The following ZZEF1 variants were observed in gnomAD, a reference collection of about 807,000 sequenced individuals.
ZZEF1 encodes the protein zinc finger ZZ-type and EF-hand domain-containing protein 1.
Under a neutral mutation model 342.8 loss-of-function variants are expected in ZZEF1, and 157 were observed. The ratio of observed to expected loss-of-function variants is 0.46; its 90% CI spans 0.40 to 0.52. The LOEUF (loss-of-function observed/expected upper bound fraction) is 0.52, where lower values mean the gene tolerates loss of function less well. Among genes scored for constraint, ZZEF1 ranks in the 20% least tolerant of loss-of-function variants. The pLI, the probability that ZZEF1 is intolerant of heterozygous loss-of-function variation, is 0.00. For missense variants in ZZEF1, 3,480 were observed against 3,725.6 expected (o/e 0.93, Z 1.72); for synonymous variants, 1,505 against 1,429.1 (o/e 1.05, Z -1.20).
chr17:4,075,335 A>G lies in ZZEF1; in HGVS notation c.3329T>C (p.Val1110Ala). The change falls in exon 22 of 55, where the codon GTA (valine) becomes GCA (alanine). Residue 1110 changes from valine (V) to alanine (A), a missense_variant. Physicochemically the swap from Val to Ala is moderately conservative, Grantham distance 64. Transcript: ENST00000381638. ...AHNYENNCHE[V>A]SVFVSPGATY... ...TGCCCCTGGGCTAACAAAGACGGAT[A>G]CCTCATGGCAATTATTTTCATAGTT... 1 of 1,614,176 alleles carries G rather than the reference A, an allele frequency of 6.2e-7. No individual in the cohort carries two copies. The highest frequency in any genetic ancestry group is 1.1e-5 in the South Asian group (1 of 91,084).
Position 4,136,805 on chromosome 17 carries a change from G to C in ZZEF1, c.354+5737C>G, listed in dbSNP as rs78125763. Among the ~76,000 whole-genome samples, 1,319 of 152,244 alleles carry C rather than the reference G, an allele frequency of 8.7e-3. 8 individuals are homozygous for C. The highest frequency in any genetic ancestry group is 0.012 in the Non-Finnish European group (834 of 68,012). Reference sequence around the variant, plus strand: ...AAACGTGCCATGCCCTCTCACTCCAGTATATCTGCATATGCTGTGCCTTTC... The same window carrying C: ...AAACGTGCCATGCCCTCTCACTCCACTATATCTGCATATGCTGTGCCTTTC... On this transcript the variant is annotated intron_variant, in intron 1 of 54. Transcript: ENST00000381638.
At chr17:4,123,268 CATATATATATATATATATATAT>C (rs60101709) in intron 2 of ZZEF1, among the ~76,000 whole-genome samples, 3,812 of 85,364 alleles carry the variant, frequency 0.045, 262 homozygotes, top group African/African-American at 0.16. Context: ...TTATCATAAC[CATATATATATATATATATATAT>C]ATATATATAT....
intron 24 of ZZEF1, 124 bp from the exon 25 acceptor site, chr17:4,072,880 C>T (rs1313503867): frequency 8.2e-6 from 8 of 976,518 alleles, no homozygotes; most frequent in Non-Finnish European, 1.2e-5. Context: ...AAAGTTTACC[C>T]ACATACCAGA....
intron 19 of ZZEF1, 138 bp downstream of exon 19, chr17:4,077,745 G>T (rs1264338712): frequency 2.2e-6 from 2 of 930,032 alleles, no homozygotes; most frequent in African/African-American, 1.7e-5. Context: ...ATTTTAATTA[G>T]ACCAAACCAG....
Position 4,016,669 on chromosome 17 carries a change from T to A in ZZEF1, c.8002-203A>T, listed in dbSNP as rs2056110224. Reference sequence around the variant, plus strand: ...CTTGGTGTCAATCAGGACACTGCAGTCCTTTCAGAATGATGCTACTTAGAG... The same window carrying A: ...CTTGGTGTCAATCAGGACACTGCAGACCTTTCAGAATGATGCTACTTAGAG... On this transcript the variant is annotated intron_variant, in intron 48 of 54. Coordinates refer to ENST00000381638, the MANE Select transcript of ZZEF1 (RefSeq NM_015113.4). The surrounding 1 kb of genome is among the most constrained non-coding windows in gnomAD (Gnocchi z 4.4). 1 of 558,160 alleles carries A rather than the reference T, an allele frequency of 1.8e-6. No homozygotes were observed. Among genetic ancestry groups the A allele is most frequent in the Non-Finnish European group, 3.1e-6 (1 of 318,820 alleles). The allele number at this position is 558,160 out of a possible 1,614,324, so 34.6% of individuals were successfully genotyped here. A position where few individuals can be genotyped will look rare whatever the true frequency, so the allele number is the denominator to read the frequency against.
At chr17:4,020,078 A>G (rs868688870) in intron 45 of ZZEF1, 27 of 249,234 alleles carry the variant, frequency 1.1e-4, no homozygotes, top group East Asian at 3.4e-4. Context: ...TAGCGTCTCT[A>G]TAACTGTTTT....
At chr17:4,120,662 T>G (rs541883857) in intron 2 of ZZEF1, among the ~76,000 whole-genome samples, 15 of 152,160 alleles carry the variant, frequency 9.9e-5, no homozygotes, top group African/African-American at 3.6e-4. Context: ...GAAAACAGAT[T>G]TGGCACAGTG....
chr17:4,029,874 CAAAAAA>C (rs58293642), intron 42 of ZZEF1, among the ~76,000 whole-genome samples: 1 of 82,246 alleles, frequency 1.2e-5, no homozygotes, highest in Non-Finnish European at 2.8e-5. Context: ...AACTCCATCT[CAAAAAA>C]AAAAAAAAAA....
chr17:4,051,524 G>T lies in ZZEF1; in HGVS notation c.5600+447C>A, dbSNP rs566442193. ...CAACCTCCGCCTCCCAGGTTCAAGCGATTCTCATGCCTTAGCCTCCCAAGT... is the reference window on the plus strand; with the variant it reads ...CAACCTCCGCCTCCCAGGTTCAAGCTATTCTCATGCCTTAGCCTCCCAAGT... On this transcript the variant is annotated intron_variant, in intron 35 of 54. Transcript: ENST00000381638. 5.3e-5 allele frequency among the ~76,000 whole-genome samples: 8 copies of T among 152,078 alleles called. No homozygotes were observed. In the South Asian group the frequency reaches 1.7e-3, roughly 32 times the overall value.
chr17:4,021,486 T>C (rs978331546), intron 44 of ZZEF1, among the ~76,000 whole-genome samples, 166 bp from the exon 45 acceptor site: 1 of 152,222 alleles, frequency 6.6e-6, no homozygotes, highest in Non-Finnish European at 1.5e-5. Flanking sequence ...TTACACTTTG[T>C]GACCGAAGAA....
chr17:4,117,208 C>A, intron 2 of ZZEF1, 42 bp from the exon 3 acceptor site: 1 of 1,541,934 alleles, frequency 6.5e-7, no homozygotes, highest in Non-Finnish European at 8.9e-7. Context: ...GGGGAAGCCA[C>A]AGTAGTTTCC....
At chr17:4,083,320 A>G (rs1379720328) in intron 16 of ZZEF1, among the ~76,000 whole-genome samples, 1 of 152,236 alleles carries the variant, frequency 6.6e-6, no homozygotes. Context: ...TTGCTCAGCT[A>G]CCTGGTAAAC....
At chr17:4,109,222 T>C in intron 6 of ZZEF1, among the ~76,000 whole-genome samples, 1 of 152,106 alleles carries the variant, frequency 6.6e-6, no homozygotes, top group Admixed American at 6.6e-5. Context: ...TAAAATGGGG[T>C]GATTTTCACA....
At position 4,082,555 on chromosome 17, in the gene ZZEF1, C is replaced by G. The variant is rs1264940248; in HGVS notation, c.2647-51G>C. Reference sequence around the variant, plus strand: ...TTCAGAAAATCTAGTCCATGACATTCCAGAGACCTAGAGCGGCAATGAAAC... The same window carrying G: ...TTCAGAAAATCTAGTCCATGACATTGCAGAGACCTAGAGCGGCAATGAAAC... On this transcript the variant is annotated intron_variant, in intron 16 of 54. Coordinates refer to ENST00000381638, the MANE Select transcript of ZZEF1 (RefSeq NM_015113.4). The G allele has an allele frequency of 3.8e-6, 6 of 1,566,086 alleles. No homozygotes were observed. The Admixed American group carries it at 1.0e-4, about 26-fold the overall frequency.
rs752800171 is a variant in ZZEF1 at position 4,088,762 on chromosome 17, G to C, written c.2157C>G (p.Cys719Trp). 24 of 1,614,110 alleles carry C rather than the reference G, an allele frequency of 1.5e-5. No individual in the cohort carries two copies. The highest frequency in any genetic ancestry group is 1.8e-5 in the Non-Finnish European group (21 of 1,180,044). The change falls in exon 13 of 55, where the codon TGC (cysteine) becomes TGG (tryptophan). Residue 719 changes from cysteine to tryptophan, a missense_variant. Cys to Trp is a radical substitution (Grantham distance 215). This residue lies in a region of ZZEF1 where 1,528 missense variants were observed against 1,624.1 expected (regional missense o/e 0.94). Coordinates refer to ENST00000381638, the MANE Select transcript of ZZEF1 (RefSeq NM_015113.4). ...AGACACTCTCCTCTGTGTCCTTTCT[G>C]CAGTGTGCACAGGTGACGCTCTGTT... ...EAEQSVTCAH[C>W]RKDTEESVCG...
intron 6 of ZZEF1, among the ~76,000 whole-genome samples, chr17:4,106,847 A>G (rs2058220817): frequency 6.6e-6 from 1 of 152,196 alleles, no homozygotes; most frequent in Admixed American, 6.5e-5. Flanking sequence ...AAATTCTACA[A>G]CTGATAGTCG....
Position 4,016,171 on chromosome 17 carries a change from T to G in ZZEF1, c.8145+152A>C. 1.2e-6 allele frequency: 1 copy of G among 843,362 alleles called. No homozygotes were observed. Among genetic ancestry groups the G allele is most frequent in the Non-Finnish European group, 1.8e-6 (1 of 557,190 alleles). The allele number at this position is 843,362 out of a possible 1,614,324, so 52.2% of individuals were successfully genotyped here. On this transcript the variant is annotated intron_variant, in intron 49 of 54. Coordinates refer to ENST00000381638, the MANE Select transcript of ZZEF1 (RefSeq NM_015113.4). The surrounding 1 kb of genome is among the most constrained non-coding windows in gnomAD (Gnocchi z 4.4). ...CTGGCCTCAGGGAGGCAGACTGCAGTTTGTTCAAGGAAGCACTTTCCTGGA... is the reference window on the plus strand; with the variant it reads ...CTGGCCTCAGGGAGGCAGACTGCAGGTTGTTCAAGGAAGCACTTTCCTGGA...
intron 1 of ZZEF1, among the ~76,000 whole-genome samples, chr17:4,142,204 C>T (rs1462596598): frequency 6.6e-6 from 1 of 151,950 alleles, no homozygotes; most frequent in Non-Finnish European, 1.5e-5. Flanking sequence ...CTCAGCGCCA[C>T]TCCTCCTATC....
chr17:4,120,863 G>T (rs568141360), intron 2 of ZZEF1, among the ~76,000 whole-genome samples: 2 of 152,176 alleles, frequency 1.3e-5, no homozygotes, highest in Non-Finnish European at 2.9e-5. Flanking sequence ...TTAGCCTTCA[G>T]TAAATGAATT....
Sources: gnomAD v4.1 joint callset for allele counts (sites outside exome capture counted in the v4.1 genomes callset) on GRCh38, gnomAD v4.1.1 for gene constraint, gnomAD v4.1.1 regional missense constraint, Gnocchi (gnomAD v3.1) non-coding constraint, MANE v1.5 for transcripts, NCBI Gene and HGNC (gene_info 2026-07-23, HGNC 2026-07-21) for gene names.